The following TARBP1 variants were observed in gnomAD, a reference collection of about 807,000 sequenced individuals.
The protein encoded by TARBP1 is tRNA (guanosine(18)-2'-O)-methyltransferase TARBP1.
In TARBP1, 144 loss-of-function variants were observed where a neutral mutation model predicts 178.6. The observed-to-expected ratio is 0.81, with a 90% CI of 0.70 to 0.93. The LOEUF (loss-of-function observed/expected upper bound fraction) is 0.93, where lower values mean the gene tolerates loss of function less well. Among genes scored for constraint, TARBP1 ranks in the 40% least tolerant of loss-of-function variants. The pLI, the probability that TARBP1 is intolerant of heterozygous loss-of-function variation, is 0.00. For missense variants in TARBP1, 2,067 were observed against 2,011.7 expected (o/e 1.03, Z -0.53); for synonymous variants, 787 against 781.0 (o/e 1.01, Z -0.13).
intron 19 of TARBP1, 85 bp from the exon 20 acceptor site, chr1:234,425,878 C>T (rs566761375): frequency 6.6e-5 from 73 of 1,099,962 alleles, no homozygotes; most frequent in East Asian, 2.7e-4. Flanking sequence ...TATCATTACA[C>T]GATCAAAACC....
chr1:234,468,980 A>G (rs1004585676), intron 3 of TARBP1, among the ~76,000 whole-genome samples: 1 of 150,090 alleles, frequency 6.7e-6, no homozygotes, highest in Non-Finnish European at 1.5e-5. Context: ...CACAAAAGTC[A>G]GGTGAAAAAT....
In TARBP1 at chr1:234,418,143, T is replaced by A. The variant is rs754569190; in HGVS notation, c.3646A>T (p.Ile1216Leu). ...TGAGGGAATTTATGAAGAATCAATA[T>A]AATAATCCATTCTATAAAATATTTT... The part of the protein sequence containing the change: ...SIKYFIEWII[I>L]LILHKFPQFL... The change falls in exon 22 of 30, where the codon ATA becomes TTA. Residue 1216 changes from isoleucine (I) to leucine (L), a missense_variant. Ile to Leu is a conservative substitution (Grantham distance 5). Transcript: ENST00000040877. 1 of 1,521,988 alleles carries A rather than the reference T, an allele frequency of 6.6e-7. No individual in the cohort carries two copies. Among genetic ancestry groups the A allele is most frequent in the Non-Finnish European group, 8.8e-7 (1 of 1,136,256 alleles). The allele number at this position is 1,521,988 out of a possible 1,614,324, so 94.3% of individuals were successfully genotyped here.
chr1:234,414,266 G>A, intron 22 of TARBP1, among the ~76,000 whole-genome samples: 1 of 152,218 alleles, frequency 6.6e-6, no homozygotes, highest in Admixed American at 6.5e-5. Context: ...AAATTTGGCT[G>A]TAGCTTGCCA....
chr1:234,454,105 A>C (rs1667060149), intron 9 of TARBP1, among the ~76,000 whole-genome samples: 1 of 152,238 alleles, frequency 6.6e-6, no homozygotes, highest in African/African-American at 2.4e-5. Context: ...TAGTAATATT[A>C]GATATTTACA....
intron 3 of TARBP1, among the ~76,000 whole-genome samples, chr1:234,469,990 G>A (rs1668876136): frequency 6.6e-6 from 1 of 152,230 alleles, no homozygotes; most frequent in African/African-American, 2.4e-5. Flanking sequence ...TTATTGGCCA[G>A]GCACGGTGGC....
intron 1 of TARBP1, among the ~76,000 whole-genome samples, chr1:234,477,545 G>A (rs1459420906): frequency 6.6e-6 from 1 of 152,238 alleles, no homozygotes; most frequent in African/African-American, 2.4e-5. Context: ...CTTGAAGGGA[G>A]GCCTTGCTGT....
At chr1:234,408,111 A>C (rs965717665) in intron 23 of TARBP1, among the ~76,000 whole-genome samples, 1 of 152,168 alleles carries the variant, frequency 6.6e-6, no homozygotes, top group Non-Finnish European at 1.5e-5. Context: ...CAGTGTAAAA[A>C]GCTCTGCTCG....
chr1:234,430,322 T>G (rs1664295581), intron 14 of TARBP1, 21 bp from the exon 15 acceptor site: 1 of 1,606,702 alleles, frequency 6.2e-7, no homozygotes, highest in Non-Finnish European at 8.5e-7. Flanking sequence ...AATGTGACAA[T>G]GTTTTATTTA....
At chr1:234,415,314 A>G (rs2103079097) in intron 22 of TARBP1, among the ~76,000 whole-genome samples, 1 of 152,352 alleles carries the variant, frequency 6.6e-6, no homozygotes, top group Non-Finnish European at 1.5e-5. Flanking sequence ...GGTAAAAGGA[A>G]GAAATCTCAG....
In TARBP1 at chr1:234,420,723, T is replaced by C. The variant is rs770164117; in HGVS notation, c.3534A>G (p.Val1178=). ...VKNRVWQTLL[V]LFPRLDQNFL... ...ATACCTGGTCAAGTCTAGGGAAAAG[T>C]ACCAGCAGAGTCTGCCACACTCGGT... The change falls in exon 21 of 30, where the codon GTA becomes GTG. Residue 1178 remains valine, a synonymous_variant. Transcript: ENST00000040877. 1 of 1,611,618 alleles carries C rather than the reference T, an allele frequency of 6.2e-7. No individual in the cohort carries two copies. Among genetic ancestry groups the C allele is most frequent in the South Asian group, 1.1e-5 (1 of 90,634 alleles).
At chr1:234,467,897 G>A (rs1194258263) in intron 3 of TARBP1, among the ~76,000 whole-genome samples, 2 of 152,094 alleles carry the variant, frequency 1.3e-5, no homozygotes, top group African/African-American at 4.8e-5. Flanking sequence ...TCAGCTTCCT[G>A]AGTAGTTTCC....
intron 12 of TARBP1, among the ~76,000 whole-genome samples, chr1:234,445,815 T>C (rs1239310824): frequency 1.3e-5 from 1 of 74,748 alleles, no homozygotes; most frequent in Non-Finnish European, 2.8e-5. Flanking sequence ...ATATAGGATA[T>C]ATATAACTTT....
chr1:234,461,497 G>A (rs1435638677), intron 6 of TARBP1, among the ~76,000 whole-genome samples: 2 of 152,102 alleles, frequency 1.3e-5, no homozygotes, highest in East Asian at 1.9e-4. Context: ...TAGTAGAGAC[G>A]GGGTTTGGCC....
At chr1:234,438,321 A>C (rs1665243611) in intron 12 of TARBP1, among the ~76,000 whole-genome samples, 1 of 152,246 alleles carries the variant, frequency 6.6e-6, no homozygotes, top group Non-Finnish European at 1.5e-5. Flanking sequence ...AACACCAATA[A>C]GATGACTTGG....
intron 25 of TARBP1, 91 bp from the exon 26 acceptor site, chr1:234,398,644 A>G (rs1660385491): frequency 1.0e-6 from 1 of 985,804 alleles, no homozygotes; most frequent in Non-Finnish European, 1.4e-6. Context: ...TATTAATGAT[A>G]TATTCTCCAA....
At chr1:234,456,664 T>C (rs1474426627) in intron 9 of TARBP1, among the ~76,000 whole-genome samples, 3 of 152,226 alleles carry the variant, frequency 2.0e-5, no homozygotes, top group Non-Finnish European at 4.4e-5. Context: ...GTTTAATCTA[T>C]ATTTAGAGAG....
intron 20 of TARBP1, among the ~76,000 whole-genome samples, chr1:234,423,624 A>G (rs1206596745): frequency 6.6e-6 from 1 of 152,162 alleles, no homozygotes; most frequent in East Asian, 1.9e-4. Context: ...TCCTCCACGC[A>G]GCACTACCTT....
Position 234,457,662 on chromosome 1 carries a change from C to G in TARBP1, c.1722+5G>C. 1 of 1,587,966 alleles carries G rather than the reference C, an allele frequency of 6.3e-7. No individual in the cohort carries two copies. The highest frequency in any genetic ancestry group is 1.1e-5 in the South Asian group (1 of 87,158). On this transcript the variant is annotated splice_donor_5th_base_variant and intron_variant, in intron 9 of 29. Coordinates refer to ENST00000040877, the MANE Select transcript of TARBP1 (RefSeq NM_005646.4). ...AAGACTTTATTAAATTATCTTTAAT[C>G]TCACCTCTGTCCACAATGAAGTTCC...
At chr1:234,409,455 A>C (rs544869378) in intron 23 of TARBP1, among the ~76,000 whole-genome samples, 1 of 152,358 alleles carries the variant, frequency 6.6e-6, no homozygotes, top group Non-Finnish European at 1.5e-5. Context: ...TTTGCGGCAC[A>C]TATTTAAAAC....
Sources: allele counts gnomAD v4.1 joint callset (sites outside exome capture counted in the v4.1 genomes callset), GRCh38; gene constraint gnomAD v4.1.1; transcripts MANE v1.5; gene names NCBI Gene and HGNC (gene_info 2026-07-23, HGNC 2026-07-21).